Variants in PRKN observed in about 807,000 individuals in gnomAD.
PRKN encodes E3 ubiquitin-protein ligase parkin.
A neutral mutation model predicts 59.5 loss-of-function variants in PRKN; 56 were observed. The ratio of observed to expected loss-of-function variants is 0.94; its 90% CI spans 0.76 to 1.18. The LOEUF (loss-of-function observed/expected upper bound fraction) is 1.18, where lower values mean the gene tolerates loss of function less well. PRKN is among the 50% of genes most tolerant of loss of function. PRKN has a pLI of 0.00. For missense variants in PRKN, 657 were observed against 596.4 expected (o/e 1.10, Z -1.06); for synonymous variants, 250 against 222.1 (o/e 1.13, Z -1.12).
chr6:161,728,549 T>TG (rs1030080797), intron 7 of PRKN, among the ~76,000 whole-genome samples: 6 of 152,070 alleles, frequency 3.9e-5, no homozygotes, highest in Admixed American at 3.3e-4. Context: ...TGTACAAATT[T>TG]GGGGGGAAAA....
rs182007639 is a variant in PRKN, at chr6:161,470,380, G to A, written c.1083+78474C>T. 1.1e-4 allele frequency among the ~76,000 whole-genome samples: 16 copies of A among 152,224 alleles called. No homozygotes were observed. The highest frequency in any genetic ancestry group is 3.9e-4 in the African/African-American group (16 of 41,536). On this transcript the variant is annotated intron_variant, in intron 9 of 11. Coordinates refer to ENST00000366898, the MANE Select transcript of PRKN (RefSeq NM_004562.3). This position sits in a 1 kb window ranked among gnomAD's most constrained non-coding sequence, Gnocchi z 5.1. ...CTCTTCTGCTGGAGCTGGGAGTGGTGGAAGACCTGAGGTTTTCCTCTAGGT... is the reference window on the plus strand; with the variant it reads ...CTCTTCTGCTGGAGCTGGGAGTGGTAGAAGACCTGAGGTTTTCCTCTAGGT...
intron 1 of PRKN, among the ~76,000 whole-genome samples, chr6:162,581,231 G>A (rs559371043): frequency 6.6e-6 from 1 of 152,306 alleles, no homozygotes; most frequent in South Asian, 2.1e-4. Context: ...AAAAGAGACA[G>A]TTAGATTCAT....
intron 2 of PRKN, among the ~76,000 whole-genome samples, chr6:162,390,341 G>C (rs375040012): frequency 7.0e-6 from 1 of 142,876 alleles, no homozygotes; most frequent in East Asian, 2.0e-4. Context: ...TGACTTTTTG[G>C]AGGGGAATGC....
Position 161,872,974 on chromosome 6 carries a change from TC to T in PRKN, c.735-87067del, listed in dbSNP as rs553860035. ...ATACAGTAATGACTTTTTTTTTTTT[TC>T]CAAAAAACCTAGATGCGAGCTAGTG... On this transcript the variant is annotated intron_variant, in intron 6 of 11. Transcript: ENST00000366898. Among the ~76,000 whole-genome samples, 776 of 141,352 alleles carry T rather than the reference TC, an allele frequency of 5.5e-3. 13 individuals carry two copies. Among genetic ancestry groups the T allele is most frequent in the South Asian group, 0.031 (140 of 4,518 alleles). The allele number at this position is 141,352 out of a possible 152,430, so 92.7% of individuals were successfully genotyped here.
chr6:162,619,265 C>T (rs1226711746), intron 1 of PRKN, among the ~76,000 whole-genome samples: 2 of 151,708 alleles, frequency 1.3e-5, no homozygotes, highest in East Asian at 1.9e-4. Context: ...GCCTCGGCCT[C>T]CCGAGTAGCT....
At position 162,469,349 on chromosome 6, in the gene PRKN, CAGG is replaced by C. The variant is rs1403096961; in HGVS notation, c.8-25879_8-25877del. Reference sequence around the variant, plus strand: ...GAATGTTAAGAAAGTGGGGGGGTTGCAGGGGGGGGTGGGTGACAGAGGAAGTCA... The same window carrying C: ...GAATGTTAAGAAAGTGGGGGGGTTGCGGGGGGTGGGTGACAGAGGAAGTCA... On this transcript the variant is annotated intron_variant, in intron 1 of 11. Coordinates refer to ENST00000366898, the MANE Select transcript of PRKN (RefSeq NM_004562.3). Among the ~76,000 whole-genome samples the C allele has an allele frequency of 1.6e-4, 9 of 57,792 alleles. 2 individuals carry two copies. The highest frequency in any genetic ancestry group is 4.4e-4 in the East Asian group (1 of 2,274). The allele number at this position is 57,792 out of a possible 152,430, so 37.9% of individuals were successfully genotyped here. A position where few individuals can be genotyped will look rare whatever the true frequency, so the allele number is the denominator to read the frequency against.
At chr6:162,680,751 C>T (rs987577010) in intron 1 of PRKN, among the ~76,000 whole-genome samples, 2 of 151,904 alleles carry the variant, frequency 1.3e-5, no homozygotes, top group Admixed American at 6.6e-5. Context: ...ATAATCACTC[C>T]TTCTCATAAA....
chr6:162,450,832 A>G (rs1562774689), intron 1 of PRKN, among the ~76,000 whole-genome samples: 1 of 152,208 alleles, frequency 6.6e-6, no homozygotes, highest in Non-Finnish European at 1.5e-5. Context: ...GACATTCGGT[A>G]AAACTAAGAA....
At chr6:162,652,795 A>C (rs2128226839) in intron 1 of PRKN, among the ~76,000 whole-genome samples, 1 of 152,238 alleles carries the variant, frequency 6.6e-6, no homozygotes, top group South Asian at 2.1e-4. Flanking sequence ...AAAAATAAGA[A>C]GAAGAAGAAG....
chr6:162,167,620 T>G (rs1490039539), intron 4 of PRKN, among the ~76,000 whole-genome samples: 1 of 152,108 alleles, frequency 6.6e-6, no homozygotes, highest in Non-Finnish European at 1.5e-5. Context: ...GATTTTTTTT[T>G]TTTTTTCAAA....
chr6:161,654,839 G>C (rs986433059), intron 7 of PRKN, among the ~76,000 whole-genome samples: 1 of 152,172 alleles, frequency 6.6e-6, no homozygotes. Context: ...ACGCCCCCTG[G>C]GAGGGACCCT....
intron 1 of PRKN, among the ~76,000 whole-genome samples, chr6:162,572,180 G>A (rs762664815): frequency 1.6e-4 from 24 of 152,076 alleles, no homozygotes; most frequent in Non-Finnish European, 2.2e-4. Context: ...GGTTCTGAAG[G>A]TGGCCTTCAG....
chr6:162,552,873 C>T (rs765668216), intron 1 of PRKN, among the ~76,000 whole-genome samples: 10 of 152,046 alleles, frequency 6.6e-5, no homozygotes, highest in Non-Finnish European at 1.0e-4. Flanking sequence ...CAGAAAGAAT[C>T]GTAGATGTAG....
chr6:162,011,326 TATATA>T lies in PRKN; in HGVS notation c.619-37914_619-37910del, dbSNP rs1359798213. On this transcript the variant is annotated intron_variant, in intron 5 of 11. Coordinates refer to ENST00000366898, the MANE Select transcript of PRKN (RefSeq NM_004562.3). ...ATATTTATGATATATTTTTATAATA[TATATA>T]ATATATTATATATTATAATATATAT... Among the ~76,000 whole-genome samples, 80 of 31,448 alleles carry T rather than the reference TATATA, an allele frequency of 2.5e-3. 18 individuals are homozygous for T. The highest frequency in any genetic ancestry group is 0.011 in the African/African-American group (77 of 6,796). 20.6% of individuals were successfully genotyped at this position (31,448 alleles called of 152,430 possible). A position where few individuals can be genotyped will look rare whatever the true frequency, so the allele number is the denominator to read the frequency against.
chr6:161,583,469 C>G (rs191403397), intron 7 of PRKN, among the ~76,000 whole-genome samples: 2 of 149,520 alleles, frequency 1.3e-5, no homozygotes, highest in Admixed American at 6.6e-5. Flanking sequence ...TTTTTTTTTT[C>G]CTATTTAGGA....
chr6:161,718,325 A>G (rs6455764), intron 7 of PRKN, among the ~76,000 whole-genome samples: 37,143 of 151,958 alleles, frequency 0.24, 7,881 homozygotes, highest in African/African-American at 0.58. Flanking sequence ...TGAGATGGGC[A>G]CTAAACATCA....
chr6:162,485,764 G>A (rs992423536), intron 1 of PRKN, among the ~76,000 whole-genome samples: 1 of 152,096 alleles, frequency 6.6e-6, no homozygotes, highest in Non-Finnish European at 1.5e-5. Context: ...TCAGTTAGTC[G>A]CCTACTGGAG....
intron 4 of PRKN, among the ~76,000 whole-genome samples, chr6:162,099,944 G>T (rs1779897081): frequency 6.6e-6 from 1 of 152,122 alleles, no homozygotes; most frequent in Non-Finnish European, 1.5e-5. Flanking sequence ...CCAACTTCCA[G>T]CCCCTGGCAA....
chr6:161,375,017 C>T (rs1183786666), intron 10 of PRKN, among the ~76,000 whole-genome samples: 1 of 152,086 alleles, frequency 6.6e-6, no homozygotes, highest in East Asian at 1.9e-4. Flanking sequence ...GGAGGCTGCA[C>T]TGTGGCCGTG....
Sources: allele counts gnomAD v4.1 joint callset (sites outside exome capture counted in the v4.1 genomes callset), GRCh38; gene constraint gnomAD v4.1.1; non-coding constraint Gnocchi (gnomAD v3.1); transcripts MANE v1.5; gene names NCBI Gene and HGNC (gene_info 2026-07-23, HGNC 2026-07-21).